Variants in ANXA6 observed in about 807,000 individuals in gnomAD.
ANXA6 encodes annexin A6, also known as 67 kDa calelectrin.
In ANXA6, 71 loss-of-function variants were observed where a neutral mutation model predicts 95.4. The observed-to-expected ratio is 0.74, with a 90% CI of 0.61 to 0.91. ANXA6 has a LOEUF of 0.91. Ranked by LOEUF, ANXA6 falls within the 40% of genes least tolerant of loss-of-function variation. The pLI is 0.00. For missense variants in ANXA6, 830 were observed against 876.4 expected, an observed-to-expected ratio of 0.95 and a Z score of 0.67; for synonymous variants, 289 against 315.9, an observed-to-expected ratio of 0.91 and a Z score of 0.90.
chr5:151,155,658 G>C (rs1766218147), intron 1 of ANXA6: 1 of 152,222 alleles, frequency 6.6e-6, no homozygotes, highest in South Asian at 2.1e-4. Flanking sequence ...GGAGAGGCTG[G>C]GTGGGGTGAG....
At chr5:151,138,096 A>C (rs546988649) in intron 5 of ANXA6, among the ~76,000 whole-genome samples, 1 of 152,340 alleles carries the variant, frequency 6.6e-6, no homozygotes, top group African/African-American at 2.4e-5. Flanking sequence ...AATAGCTCAT[A>C]GAAGACAAAG....
chr5:151,101,231 T>C lies in ANXA6; in HGVS notation c.*217A>G, dbSNP rs1019933468. 4.8e-6 allele frequency: 3 copies of C among 619,742 alleles called. No individual in the cohort carries two copies. Among genetic ancestry groups the C allele is most frequent in the South Asian group, 3.7e-5 (2 of 53,662 alleles). The allele number at this position is 619,742 out of a possible 1,614,324, so 38.4% of individuals were successfully genotyped here. A position where few individuals can be genotyped will look rare whatever the true frequency, so the allele number is the denominator to read the frequency against. On this transcript the variant is annotated 3_prime_UTR_variant, in exon 26 of 26. Coordinates refer to ENST00000354546, the MANE Select transcript of ANXA6 (RefSeq NM_001155.5). ...GGGGAGTGGAGGTGGACAGGATCTA[T>C]GGCTACGGTTTTTCAGCCGCTCAGC...
In ANXA6 at chr5:151,145,148, C is replaced by T. The variant is rs1765942044; in HGVS notation, c.18+2736G>A. ...CTGAAATATTCAGCAGGTCCTGGTG[C>T]CAGCTGGTGAGCAGCCGGGCCCTGG... On this transcript the variant is annotated intron_variant, in intron 2 of 25. Transcript: ENST00000354546. Among the ~76,000 whole-genome samples, 3 of 152,180 alleles carry T rather than the reference C, an allele frequency of 2.0e-5. No individual in the cohort carries two copies. The South Asian group carries it at 6.2e-4, about 31-fold the overall frequency.
At chr5:151,123,802 C>A (rs1362815693) in intron 15 of ANXA6, among the ~76,000 whole-genome samples, 1 of 152,222 alleles carries the variant, frequency 6.6e-6, no homozygotes, top group East Asian at 1.9e-4. Context: ...CCTGTGGGTG[C>A]AGTACTCTTC....
chr5:151,108,617 A>T, intron 22 of ANXA6, 67 bp from the exon 23 acceptor site: 1 of 1,342,336 alleles, frequency 7.4e-7, no homozygotes, highest in Non-Finnish European at 1.1e-6. Context: ...ACCCCTCCTC[A>T]GCCCCACCCA....
chr5:151,140,907 C>T (rs1298158709), intron 2 of ANXA6, among the ~76,000 whole-genome samples: 1 of 152,256 alleles, frequency 6.6e-6, no homozygotes, highest in East Asian at 1.9e-4. Context: ...CAGCCCCGCT[C>T]TGCTCTCCAG....
At chr5:151,117,959 A>G in intron 18 of ANXA6, 122 bp from the exon 19 acceptor site, 1 of 752,838 alleles carries the variant, frequency 1.3e-6, no homozygotes, top group Non-Finnish European at 2.3e-6. Context: ...TGGGGATGAA[A>G]GGGTTTGTAA....
chr5:151,139,322 AC>A, intron 4 of ANXA6, 30 bp downstream of exon 4: 1 of 1,488,452 alleles, frequency 6.7e-7, no homozygotes, highest in Non-Finnish European at 9.2e-7. Flanking sequence ...TTCCACCCGC[AC>A]CCCATGGGCC....
chr5:151,140,234 A>G lies in ANXA6; in HGVS notation c.28T>C (p.Tyr10His). 1 of 1,613,906 alleles carries G rather than the reference A, an allele frequency of 6.2e-7. No homozygotes were observed. The highest frequency in any genetic ancestry group is 1.7e-4 in the Middle Eastern group (1 of 6,056). The change falls in exon 3 of 26, where the codon TAC (tyrosine) becomes CAC (histidine). Residue 10 changes from tyrosine (Y) to histidine (H), a missense_variant. Tyr to His is a moderately conservative substitution (Grantham distance 83). Coordinates refer to ENST00000354546, the MANE Select transcript of ANXA6 (RefSeq NM_001155.5). ...GGGAAGTCATGGATGGAGCCCCGGT[A>G]CTTGGCACCCTGTGGAGAAAAAAGT... MAKPAQGAK[Y>H]RGSIHDFPGF...
In ANXA6 at chr5:151,125,208, TGTG is replaced by T. The variant is rs921527901; in HGVS notation, c.1057-844_1057-842del. ...CCTGTCTCTACACAAATTAGCCAGG[TGTG>T]GTGGTGTCCACCTGAGGTCCCAGCT... On this transcript the variant is annotated intron_variant, in intron 14 of 25. Transcript: ENST00000354546. 2.0e-4 allele frequency among the ~76,000 whole-genome samples: 31 copies of T among 152,012 alleles called. 1 individual carries two copies. The South Asian group carries it at 6.4e-3, about 32-fold the overall frequency.
At chr5:151,146,505 C>A (rs1266693515) in intron 2 of ANXA6, among the ~76,000 whole-genome samples, 5 of 152,172 alleles carry the variant, frequency 3.3e-5, no homozygotes, top group African/African-American at 1.2e-4. Flanking sequence ...CCCAGGTTCA[C>A]TGGGGGCAGT....
chr5:151,142,656 A>G (rs1329921585), intron 2 of ANXA6, among the ~76,000 whole-genome samples: 1 of 152,248 alleles, frequency 6.6e-6, no homozygotes, highest in Non-Finnish European at 1.5e-5. Flanking sequence ...CCCCAGCTCT[A>G]GCACAGGCTT....
intron 1 of ANXA6, among the ~76,000 whole-genome samples, chr5:151,153,393 G>T (rs1448906176): frequency 1.3e-5 from 2 of 152,186 alleles, no homozygotes; most frequent in African/African-American, 4.8e-5. Flanking sequence ...GATTTTAATG[G>T]CAGCCAAGGA....
chr5:151,128,759 T>G (rs146748308), intron 12 of ANXA6, among the ~76,000 whole-genome samples: 47 of 152,382 alleles, frequency 3.1e-4, no homozygotes, highest in African/African-American at 1.1e-3. Context: ...TGTGAAAGGC[T>G]GTGAGAAGTT....
At chr5:151,122,320 A>T (rs13168472) in intron 16 of ANXA6, 60 bp from the exon 17 acceptor site, 1 of 939,082 alleles carries the variant, frequency 1.1e-6, no homozygotes, top group African/African-American at 1.7e-5. Context: ...ATGACTCAGG[A>T]TGGGAGAGAT....
intron 18 of ANXA6, among the ~76,000 whole-genome samples, chr5:151,118,562 T>C (rs2113910444): frequency 6.6e-6 from 1 of 152,258 alleles, no homozygotes; most frequent in African/African-American, 2.4e-5. Context: ...GCCTCCTAAG[T>C]AGCTGGGGCT....
At chr5:151,105,731 A>C (rs544450732) in intron 23 of ANXA6, among the ~76,000 whole-genome samples, 2 of 152,314 alleles carry the variant, frequency 1.3e-5, no homozygotes, top group South Asian at 4.1e-4. Context: ...TGGTTTCCGG[A>C]CCAACAACAT....
In ANXA6 at chr5:151,109,846, C is replaced by T; in HGVS notation, c.1591G>A (p.Glu531Lys). The T allele has an allele frequency of 1.3e-6, 2 of 1,594,590 alleles. No individual in the cohort carries two copies. The highest frequency in any genetic ancestry group is 1.7e-6 in the Non-Finnish European group (2 of 1,167,784). Residue 531 changes from glutamate to lysine, a missense_variant and splice_region_variant, in exon 22 of 26, where the codon GAA becomes AAA. Coordinates refer to ENST00000354546, the MANE Select transcript of ANXA6 (RefSeq NM_001155.5). Reference sequence around the variant, plus strand: ...TCTCCACTAGGTGTGTCTGCTATTTCCTGCAGAGCCCCAGTTGGAGCAAGG... The same window carrying T: ...TCTCCACTAGGTGTGTCTGCTATTTTCTGCAGAGCCCCAGTTGGAGCAAGG... ...EDAQVAAEILEIADTPSGDKT... is the reference protein window; with the variant it reads ...EDAQVAAEILKIADTPSGDKT...
At chr5:151,110,407 T>G (rs1004192277) in intron 21 of ANXA6, among the ~76,000 whole-genome samples, 3 of 152,234 alleles carry the variant, frequency 2.0e-5, no homozygotes, top group African/African-American at 7.2e-5. Flanking sequence ...TCAGTATTAA[T>G]AGCTGGTGGT....
Sources: gnomAD v4.1 joint callset for allele counts (sites outside exome capture counted in the v4.1 genomes callset) on GRCh38, gnomAD v4.1.1 for gene constraint, MANE v1.5 for transcripts, NCBI Gene and HGNC (gene_info 2026-07-23, HGNC 2026-07-21) for gene names.